Variants in SH3BP5 observed in about 807,000 individuals in gnomAD.
The protein encoded by SH3BP5 is SH3 domain binding protein 5.
In SH3BP5, 22 loss-of-function variants were observed where a neutral mutation model predicts 43.3. The ratio of observed to expected loss-of-function variants is 0.51; its 90% CI spans 0.36 to 0.73. The LOEUF is 0.73. Ranked by LOEUF, SH3BP5 falls within the 30% of genes least tolerant of loss-of-function variation. The pLI is 0.00. For synonymous variants in SH3BP5, 255 were observed against 225.8 expected (o/e 1.13, Z -1.16); for missense variants, 529 against 586.9 (o/e 0.90, Z 1.02).
chr3:15,308,189 C>T (rs1697962815), intron 2 of SH3BP5, among the ~76,000 whole-genome samples: 2 of 152,164 alleles, frequency 1.3e-5, no homozygotes, highest in Admixed American at 6.5e-5. Flanking sequence ...CTCTGGGGCA[C>T]TGGTGAATAC....
chr3:15,285,535 C>A (rs192134983), intron 3 of SH3BP5, among the ~76,000 whole-genome samples: 1 of 152,172 alleles, frequency 6.6e-6, no homozygotes, highest in Admixed American at 6.5e-5. Flanking sequence ...CAGTTTGCCA[C>A]GTTATAAAAT....
At chr3:15,318,515 A>G (rs995655331) in intron 2 of SH3BP5, among the ~76,000 whole-genome samples, 23 of 131,222 alleles carry the variant, frequency 1.8e-4, no homozygotes, top group African/African-American at 6.7e-4. Flanking sequence ...TATGTAGTTT[A>G]GTTTCTGTCA....
chr3:15,333,062 G>A, upstream of SH3BP5: 2 of 984,792 alleles, frequency 2.0e-6, no homozygotes, highest in Non-Finnish European at 2.4e-6. Context: ...GCCCCATACC[G>A]AAACACAGAG....
At chr3:15,294,012 A>T (rs1697488336) in intron 3 of SH3BP5, among the ~76,000 whole-genome samples, 1 of 145,082 alleles carries the variant, frequency 6.9e-6, no homozygotes, top group South Asian at 2.3e-4. Context: ...TGGGAGGCAG[A>T]GGTTGCAGTG....
At chr3:15,292,722 C>T (rs1021334363) in intron 3 of SH3BP5, among the ~76,000 whole-genome samples, 1 of 152,136 alleles carries the variant, frequency 6.6e-6, no homozygotes, top group African/African-American at 2.4e-5. Context: ...GTGGCGCATG[C>T]CTGTAATCGC....
intron 2 of SH3BP5, among the ~76,000 whole-genome samples, chr3:15,325,027 G>C (rs1698426246): frequency 6.6e-6 from 1 of 152,154 alleles, no homozygotes; most frequent in South Asian, 2.1e-4. Flanking sequence ...CACCTGACCT[G>C]AGCAATGAGG....
chr3:15,300,268 A>T (rs1697698975), intron 3 of SH3BP5, among the ~76,000 whole-genome samples: 2 of 152,206 alleles, frequency 1.3e-5, no homozygotes, highest in African/African-American at 2.4e-5. Flanking sequence ...ACCCAAGCTC[A>T]TGCTGGGATT....
At chr3:15,321,460 C>T (rs1430750647) in intron 2 of SH3BP5, among the ~76,000 whole-genome samples, 1 of 152,006 alleles carries the variant, frequency 6.6e-6, no homozygotes, top group Non-Finnish European at 1.5e-5. Context: ...TCCCATCAGC[C>T]TTCATAGTTC....
chr3:15,284,076 T>A (rs1045146395), intron 3 of SH3BP5, among the ~76,000 whole-genome samples: 1 of 152,096 alleles, frequency 6.6e-6, no homozygotes, highest in South Asian at 2.1e-4. Flanking sequence ...CCCCATATTA[T>A]CCCCCCTCTC....
rs1484687576 is a variant in SH3BP5 at position 15,269,782 on chromosome 3, C to T, written c.426G>A (p.Arg142=). 2.5e-6 allele frequency: 4 copies of T among 1,612,262 alleles called. No homozygotes were observed. Among genetic ancestry groups the T allele is most frequent in the Non-Finnish European group, 3.4e-6 (4 of 1,178,868 alleles). ...ACTGCCGCTTGTCATCCTCCAGCAG[C>T]CGCTGCTCGGCCAGGGAGATGGTCT... The part of the protein sequence containing the change: ...AKETISLAEQ[R]LLEDDKRQFD... Residue 142 remains arginine, a synonymous_variant, in exon 4 of 9, where the codon CGG becomes CGA. Transcript: ENST00000383791.
chr3:15,269,136 C>A (rs1474770791), intron 4 of SH3BP5, among the ~76,000 whole-genome samples: 2 of 152,076 alleles, frequency 1.3e-5, no homozygotes, highest in Non-Finnish European at 2.9e-5. Context: ...GTAAAGAACC[C>A]AATATAATGA....
intron 5 of SH3BP5, chr3:15,260,677 A>C (rs1463357642): frequency 6.6e-6 from 1 of 152,196 alleles, no homozygotes; most frequent in Admixed American, 6.5e-5. Flanking sequence ...TATGTGTGTG[A>C]ATGGGCATCG....
intron 1 of SH3BP5, chr3:15,330,887 A>G: frequency 3.9e-6 from 1 of 257,810 alleles, no homozygotes; most frequent in Non-Finnish European, 6.1e-6. Flanking sequence ...TAATCAAAAC[A>G]GTACCATCTG....
chr3:15,284,542 A>C (rs1380789246), intron 3 of SH3BP5, among the ~76,000 whole-genome samples: 4 of 152,184 alleles, frequency 2.6e-5, no homozygotes, highest in Non-Finnish European at 5.9e-5. Context: ...AGATGAAAAT[A>C]CTCAAAATAA....
chr3:15,255,213 C>T lies in SH3BP5; in HGVS notation c.*873G>A, dbSNP rs1264200551. 4 of 152,626 alleles carry T rather than the reference C, an allele frequency of 2.6e-5. No homozygotes were observed. Among genetic ancestry groups the T allele is most frequent in the Non-Finnish European group, 5.9e-5 (4 of 68,030 alleles). The allele number at this position is 152,626 out of a possible 1,614,324, so 9.5% of individuals were successfully genotyped here. ...TTTCCTCTAAGGAATACTAGTGCAGCATAACCCTTAAATAATTTCATTTAT... is the reference window on the plus strand; with the variant it reads ...TTTCCTCTAAGGAATACTAGTGCAGTATAACCCTTAAATAATTTCATTTAT... On this transcript the variant is annotated 3_prime_UTR_variant, in exon 9 of 9. Transcript: ENST00000383791.
In SH3BP5 at chr3:15,262,179, C is replaced by CTT; in HGVS notation, c.604_605dup (p.Ala204GlufsTer23). On this transcript the variant is annotated frameshift_variant, in exon 5 of 9. Transcript: ENST00000383791. LOFTEE classifies it high-confidence loss of function. ...CTTACTTGGACTTGTTGATGGCTCTCTTGAGTTTCTTCTCCAGCTGTCGCA... is the reference window on the plus strand; with the variant it reads ...CTTACTTGGACTTGTTGATGGCTCTCTTTTGAGTTTCTTCTCCAGCTGTCGCA... 2 of 1,614,102 alleles carry CTT rather than the reference C, an allele frequency of 1.2e-6. No individual in the cohort carries two copies. Among genetic ancestry groups the CTT allele is most frequent in the Non-Finnish European group, 1.7e-6 (2 of 1,180,010 alleles).
intron 3 of SH3BP5, among the ~76,000 whole-genome samples, chr3:15,290,715 C>G (rs1697389834): frequency 6.6e-6 from 1 of 151,718 alleles, no homozygotes; most frequent in Non-Finnish European, 1.5e-5. Context: ...AAAAATAAAC[C>G]ACTTACCCAA....
At chr3:15,256,683 C>G (rs1473226386) in intron 8 of SH3BP5, 170 bp downstream of exon 8, 2 of 774,452 alleles carry the variant, frequency 2.6e-6, no homozygotes, top group Non-Finnish European at 4.0e-6. Flanking sequence ...GGAGCCCCCC[C>G]AGAACAGCAC....
chr3:15,274,215 T>C (rs1009328247), intron 3 of SH3BP5, among the ~76,000 whole-genome samples: 8 of 151,378 alleles, frequency 5.3e-5, no homozygotes, highest in African/African-American at 1.9e-4. Flanking sequence ...CATTGCACTC[T>C]AGCCTGGGTG....
Sources: allele counts gnomAD v4.1 joint callset (sites outside exome capture counted in the v4.1 genomes callset), GRCh38; gene constraint gnomAD v4.1.1; transcripts MANE v1.5; gene names NCBI Gene and HGNC (gene_info 2026-07-23, HGNC 2026-07-21).